The following ZDHHC11 variants were observed in gnomAD, a reference collection of about 807,000 sequenced individuals.
The protein encoded by ZDHHC11 is zDHHC palmitoyltransferase 11, also known as palmitoyltransferase ZDHHC11.
ZDHHC11 carries 44 observed loss-of-function variants against 51.3 expected under a neutral mutation model. The ratio of observed to expected loss-of-function variants is 0.86; its 90% CI spans 0.67 to 1.10. The LOEUF (loss-of-function observed/expected upper bound fraction) is 1.10, where lower values mean the gene tolerates loss of function less well. Ranked by LOEUF, ZDHHC11 falls within the 50% of genes least tolerant of loss-of-function variation. ZDHHC11 has a pLI of 0.00. For missense variants in ZDHHC11, 400 were observed against 537.7 expected (o/e 0.74, Z 2.53); for synonymous variants, 163 against 222.0 (o/e 0.73, Z 2.36).
upstream of ZDHHC11, among the ~76,000 whole-genome samples, chr5:852,987 ACAG>A: frequency 7.0e-6 from 1 of 143,854 alleles, no homozygotes; most frequent in Admixed American, 6.9e-5. Context: ...CCCACGGAGG[ACAG>A]CGAGCCAGGG....
At chr5:802,043 G>A (rs1260332812) in intron 11 of ZDHHC11, among the ~76,000 whole-genome samples, 1 of 151,404 alleles carries the variant, frequency 6.6e-6, no homozygotes, top group African/African-American at 2.4e-5. Flanking sequence ...GATGCAGAAG[G>A]CCATGGTCAG....
rs1159324388 is a variant in ZDHHC11 at position 823,554 on chromosome 5, C to T, written c.1023+1610G>A. 1.3e-5 allele frequency: 2 copies of T among 156,318 alleles called. 1 individual carries two copies. Among genetic ancestry groups the T allele is most frequent in the Non-Finnish European group, 2.9e-5 (2 of 70,070 alleles). 9.7% of individuals were successfully genotyped at this position (156,318 alleles called of 1,614,324 possible). A position where few individuals can be genotyped will look rare whatever the true frequency, so the allele number is the denominator to read the frequency against. Reference sequence around the variant, plus strand: ...GGCGATGGACTGTAGGTCTGTGGAGCTCAGCACAGGGCTGTGCCACGGACG... The same window carrying T: ...GGCGATGGACTGTAGGTCTGTGGAGTTCAGCACAGGGCTGTGCCACGGACG... On this transcript the variant is annotated intron_variant, in intron 8 of 12. Transcript: ENST00000283441.
At position 847,785 on chromosome 5, in the gene ZDHHC11, G is replaced by C; in HGVS notation, c.402-170C>G. 3 of 568,412 alleles carry C rather than the reference G, an allele frequency of 5.3e-6. No individual in the cohort carries two copies. The South Asian group carries it at 5.9e-5, about 11-fold the overall frequency. 35.2% of individuals were successfully genotyped at this position (568,412 alleles called of 1,614,324 possible). ...GCTGGGGGAGGGTGTTGAGGCCTGT[G>C]GGGAGGAGGAGAAGCAGGGCAGCTG... On this transcript the variant is annotated intron_variant, in intron 2 of 12. Coordinates refer to ENST00000283441, the MANE Select transcript of ZDHHC11 (RefSeq NM_024786.3).
intron 8 of ZDHHC11, chr5:823,501 C>T (rs1446607036): frequency 6.6e-6 from 1 of 152,456 alleles, no homozygotes; most frequent in Non-Finnish European, 1.5e-5. Context: ...ACAACACTGT[C>T]TGCAGCTGTG....
intron 11 of ZDHHC11, among the ~76,000 whole-genome samples, chr5:811,235 CTAA>C (rs1561239577): frequency 1.4e-5 from 2 of 138,902 alleles, no homozygotes; most frequent in South Asian, 4.4e-4. Flanking sequence ...TAGTTTTTAC[CTAA>C]TAATAGAACC....
chr5:829,608 A>T (rs1742811982), intron 7 of ZDHHC11, among the ~76,000 whole-genome samples: 1 of 151,472 alleles, frequency 6.6e-6, no homozygotes, highest in Non-Finnish European at 1.5e-5. Context: ...ATTACAAAAG[A>T]TAAAGAGGGA....
At chr5:824,752 T>C (rs1311110409) in intron 8 of ZDHHC11, among the ~76,000 whole-genome samples, 2 of 141,052 alleles carry the variant, frequency 1.4e-5, no homozygotes, top group African/African-American at 5.9e-5. Flanking sequence ...CACACAGTCT[T>C]TCCTAAGCAT....
intron 11 of ZDHHC11, among the ~76,000 whole-genome samples, chr5:809,464 T>G (rs1309495962): frequency 6.7e-6 from 1 of 149,640 alleles, no homozygotes; most frequent in Non-Finnish European, 1.5e-5. Context: ...AACACGCATG[T>G]GAGTGAGATC....
At chr5:853,749 C>G (rs1425196782), upstream of ZDHHC11, among the ~76,000 whole-genome samples, 1 of 150,610 alleles carries the variant, frequency 6.6e-6, no homozygotes, top group Non-Finnish European at 1.5e-5. Flanking sequence ...AGACAGATCC[C>G]ATGGAGGACA....
rs1737516573 is a variant in ZDHHC11, at chr5:795,970, CCAGTACTGTGCTCCCATTTCT to C, written c.*597_*617del. 6.5e-6 allele frequency: 1 copy of C among 152,992 alleles called. No individual in the cohort carries two copies. The highest frequency in any genetic ancestry group is 2.5e-5 in the African/African-American group (1 of 40,622). The allele number at this position is 152,992 out of a possible 1,614,324, so 9.5% of individuals were successfully genotyped here. A position where few individuals can be genotyped will look rare whatever the true frequency, so the allele number is the denominator to read the frequency against. On this transcript the variant is annotated 3_prime_UTR_variant, in exon 13 of 13. Transcript: ENST00000283441. ...TTTCTCAGTACTGTATGCCCATTTC[CCAGTACTGTGCTCCCATTTCT>C]CAGTAGTGTACTCCCATTTCTCAGT...
At chr5:797,847 T>G (rs200154117) in intron 12 of ZDHHC11, among the ~76,000 whole-genome samples, 23,146 of 132,126 alleles carry the variant, frequency 0.18, 1,214 homozygotes, top group East Asian at 0.36. Context: ...AGTTTTATTT[T>G]TGAGAAATCT....
chr5:803,180 T>C (rs1044392717), intron 11 of ZDHHC11, among the ~76,000 whole-genome samples: 6 of 151,324 alleles, frequency 4.0e-5, no homozygotes, highest in South Asian at 4.2e-4. Context: ...ATCAGGAACC[T>C]TGTCCTCAAT....
chr5:799,591 T>C lies in ZDHHC11; in HGVS notation c.*7+1509A>G, dbSNP rs534308423. 3.4e-4 allele frequency among the ~76,000 whole-genome samples: 52 copies of C among 151,458 alleles called. 1 individual carries two copies. The South Asian group carries it at 0.011, about 31-fold the overall frequency. The stretch of plus-strand genomic sequence containing the variant: ...TCAGTTTTTGCAGATTATTTGCAAG[T>C]TGATGCTTCGGCCAAGCGTCCAGCT... On this transcript the variant is annotated intron_variant, in intron 12 of 12. Transcript: ENST00000283441.
chr5:817,623 G>C (rs1204652805), intron 10 of ZDHHC11, among the ~76,000 whole-genome samples: 1 of 151,176 alleles, frequency 6.6e-6, no homozygotes. Context: ...TTTCTAGGGA[G>C]GTTAAACTTT....
chr5:810,364 C>T lies in ZDHHC11; in HGVS notation c.1181+4397G>A, dbSNP rs1164615618. 3.3e-5 allele frequency among the ~76,000 whole-genome samples: 5 copies of T among 150,726 alleles called. No homozygotes were observed. In the South Asian group the frequency reaches 8.5e-4, roughly 26 times the overall value. ...CACTTTCATTCCAGCTGGTCAGCTA[C>T]GTCCACCCATTCCCTTCGACATCCC... On this transcript the variant is annotated intron_variant, in intron 11 of 12. Transcript: ENST00000283441.
rs570868598 is a variant in ZDHHC11, at chr5:850,595, G to A, written c.8C>T (p.Thr3Ile). The A allele has an allele frequency of 1.2e-6, 2 of 1,613,332 alleles. No individual in the cohort carries two copies. The highest frequency in any genetic ancestry group is 4.5e-5 in the East Asian group (2 of 44,862). The change falls in exon 1 of 13, where the codon ACC becomes ATC. Residue 3 changes from threonine to isoleucine, a missense_variant. Thr to Ile is a moderately conservative substitution (Grantham distance 89). Transcript: ENST00000283441. ...GACGGAACACTGGCTCCCGGAGCGG[G>A]TGTCCATCTGCAGGACACAGAAGGG... MD[T>I]RSGSQCSVTP...
intron 6 of ZDHHC11, among the ~76,000 whole-genome samples, chr5:836,199 T>C (rs113253225): frequency 6.0e-5 from 9 of 150,092 alleles, no homozygotes; most frequent in African/African-American, 1.2e-4. Context: ...CATTCCTAGG[T>C]CACTGAGATT....
chr5:840,794 C>T, intron 4 of ZDHHC11, 144 bp from the exon 5 acceptor site: 1 of 1,526,128 alleles, frequency 6.6e-7, no homozygotes, highest in Non-Finnish European at 8.8e-7. Context: ...AGGTGGACGC[C>T]TCCCTTACCT....
chr5:843,166 G>GC (rs1166555249), intron 4 of ZDHHC11, among the ~76,000 whole-genome samples: 4 of 142,202 alleles, frequency 2.8e-5, no homozygotes, highest in Non-Finnish European at 6.3e-5. Context: ...GGGCCTCAGC[G>GC]CACCGCAGCC....
Sources: gnomAD v4.1 joint callset for allele counts (sites outside exome capture counted in the v4.1 genomes callset) on GRCh38, gnomAD v4.1.1 for gene constraint, MANE v1.5 for transcripts, NCBI Gene and HGNC (gene_info 2026-07-23, HGNC 2026-07-21) for gene names.